GRID2: variants seen among roughly 807,000 people sequenced by gnomAD.
GRID2 encodes glutamate ionotropic receptor delta type subunit 2.
Under a neutral mutation model 114.8 loss-of-function variants are expected in GRID2, and 33 were observed. That is an observed-to-expected ratio of 0.29 (90% CI 0.22 to 0.38). The LOEUF (loss-of-function observed/expected upper bound fraction) is 0.38. GRID2 is among the 10% of genes least tolerant of loss of function. The pLI is 1.00. For missense variants in GRID2, 1,184 were observed against 1,257.7 expected (o/e 0.94, Z 0.89); for synonymous variants, 505 against 449.9 (o/e 1.12, Z -1.55).
Position 93,772,668 on chromosome 4 carries a change from T to C in GRID2, c.*170T>C, listed in dbSNP as rs1734205572. ...CTCCCTCTCCTCTCTCCTCTATGAT[T>C]TTCTCTCTTTCCCCCTCCCTTCCTG... On this transcript the variant is annotated 3_prime_UTR_variant, in exon 16 of 16. Coordinates refer to ENST00000282020, the MANE Select transcript of GRID2 (RefSeq NM_001510.4). The C allele has an allele frequency of 5.4e-6, 3 of 550,602 alleles. No homozygotes were observed. The highest frequency in any genetic ancestry group is 9.5e-6 in the Non-Finnish European group (3 of 316,758). 34.1% of individuals were successfully genotyped at this position (550,602 alleles called of 1,614,324 possible).
At chr4:92,824,675 A>G (rs1005968774) in intron 2 of GRID2, among the ~76,000 whole-genome samples, 7 of 152,120 alleles carry the variant, frequency 4.6e-5, no homozygotes, top group African/African-American at 1.7e-4. Context: ...TTTATGTGTA[A>G]CAAGTTTACT....
At chr4:93,588,011 T>A (rs1489499415) in intron 13 of GRID2, among the ~76,000 whole-genome samples, 1 of 152,156 alleles carries the variant, frequency 6.6e-6, no homozygotes, top group Non-Finnish European at 1.5e-5. Flanking sequence ...GCTGTTACTT[T>A]ATGGTTAGTC....
At chr4:92,717,161 A>G (rs113355903) in intron 2 of GRID2, among the ~76,000 whole-genome samples, 4 of 152,126 alleles carry the variant, frequency 2.6e-5, no homozygotes, top group East Asian at 3.9e-4. Flanking sequence ...ACAACAACCT[A>G]TCTCCATTCT....
At chr4:92,405,638 A>G (rs1477166652) in intron 1 of GRID2, among the ~76,000 whole-genome samples, 1 of 151,950 alleles carries the variant, frequency 6.6e-6, no homozygotes, top group Non-Finnish European at 1.5e-5. Context: ...ATAGCAATAC[A>G]TAAGGGAAAA....
At chr4:92,427,295 C>G (rs531938064) in intron 1 of GRID2, among the ~76,000 whole-genome samples, 1 of 151,992 alleles carries the variant, frequency 6.6e-6, no homozygotes, top group South Asian at 2.1e-4. Context: ...ATTATGTTCC[C>G]TAAAACGTAT....
chr4:93,180,198 A>G (rs1042359776), intron 4 of GRID2, among the ~76,000 whole-genome samples: 2 of 152,018 alleles, frequency 1.3e-5, no homozygotes, highest in Non-Finnish European at 2.9e-5. Flanking sequence ...CATATTTTGG[A>G]GACATCACAC....
chr4:93,220,680 A>G (rs999389621), intron 6 of GRID2, among the ~76,000 whole-genome samples: 5 of 152,140 alleles, frequency 3.3e-5, no homozygotes, highest in East Asian at 1.9e-4. Flanking sequence ...CCTGATATCC[A>G]CAACCTACCA....
Position 93,067,598 on chromosome 4 carries a change from G to A in GRID2, c.245-17397G>A, listed in dbSNP as rs182881283. ...GAGAGAGATTTTATTATACGAATTTGGGGGGAACACATACATTCAGACCAT... is the reference window on the plus strand; with the variant it reads ...GAGAGAGATTTTATTATACGAATTTAGGGGGAACACATACATTCAGACCAT... On this transcript the variant is annotated intron_variant, in intron 2 of 15. Coordinates refer to ENST00000282020, the MANE Select transcript of GRID2 (RefSeq NM_001510.4). Among the ~76,000 whole-genome samples the A allele has an allele frequency of 2.6e-5, 4 of 151,910 alleles. No homozygotes were observed. In the South Asian group the frequency reaches 6.2e-4, roughly 24 times the overall value.
intron 13 of GRID2, among the ~76,000 whole-genome samples, chr4:93,540,203 A>C (rs962667661): frequency 2.0e-5 from 3 of 151,788 alleles, no homozygotes; most frequent in African/African-American, 7.3e-5. Flanking sequence ...TGAATGTTGT[A>C]TTTTCTTTAG....
At chr4:92,371,263 G>C (rs1729103905) in intron 1 of GRID2, among the ~76,000 whole-genome samples, 1 of 151,894 alleles carries the variant, frequency 6.6e-6, no homozygotes, top group Non-Finnish European at 1.5e-5. Context: ...TATGAAGGAG[G>C]CTACACTAAA....
intron 8 of GRID2, among the ~76,000 whole-genome samples, chr4:93,279,004 G>A (rs1475715559): frequency 4.0e-5 from 6 of 151,256 alleles, no homozygotes; most frequent in African/African-American, 1.2e-4. Flanking sequence ...TTTAACAACC[G>A]CTTTTAAGTC....
At chr4:93,261,583 G>A (rs955965586) in intron 8 of GRID2, among the ~76,000 whole-genome samples, 5 of 151,746 alleles carry the variant, frequency 3.3e-5, no homozygotes, top group African/African-American at 4.8e-5. Context: ...CGTGGGCCTG[G>A]CATATTTAAG....
chr4:92,557,506 A>T (rs1001558364), intron 1 of GRID2, among the ~76,000 whole-genome samples: 18 of 151,176 alleles, frequency 1.2e-4, no homozygotes, highest in Admixed American at 9.9e-4. Context: ...TTCTTCTAAA[A>T]TGGAAATAAA....
chr4:92,494,439 CAG>C (rs1399843752), intron 1 of GRID2, among the ~76,000 whole-genome samples: 1 of 151,908 alleles, frequency 6.6e-6, no homozygotes, highest in Non-Finnish European at 1.5e-5. Context: ...TATATAGACA[CAG>C]AAACATTTAG....
At chr4:92,693,020 C>CAA (rs70942926) in intron 2 of GRID2, among the ~76,000 whole-genome samples, 6 of 129,116 alleles carry the variant, frequency 4.6e-5, no homozygotes, top group South Asian at 4.7e-4. Flanking sequence ...GAAACTGTCT[C>CAA]AAAAAAAAAA....
intron 1 of GRID2, among the ~76,000 whole-genome samples, chr4:92,331,999 G>A (rs1312368709): frequency 6.6e-6 from 1 of 152,194 alleles, no homozygotes; most frequent in South Asian, 2.1e-4. Context: ...GTCAGTGGTA[G>A]TTGGTAAGGG....
At chr4:92,809,973 T>A (rs958196568) in intron 2 of GRID2, among the ~76,000 whole-genome samples, 13 of 152,066 alleles carry the variant, frequency 8.5e-5, no homozygotes, top group Admixed American at 6.6e-4. Context: ...TTTTCATTTT[T>A]GAAAATATAG....
intron 2 of GRID2, among the ~76,000 whole-genome samples, chr4:92,996,299 A>C (rs1367068675): frequency 1.3e-5 from 2 of 151,448 alleles, no homozygotes; most frequent in Non-Finnish European, 3.0e-5. Flanking sequence ...CTTTCTAAAA[A>C]AAAAAATAAA....
At chr4:92,765,151 C>G (rs1738200321) in intron 2 of GRID2, among the ~76,000 whole-genome samples, 1 of 152,114 alleles carries the variant, frequency 6.6e-6, no homozygotes, top group Non-Finnish European at 1.5e-5. Context: ...CTCACACTTT[C>G]AATTTTATAC....
Sources: allele counts gnomAD v4.1 joint callset (sites outside exome capture counted in the v4.1 genomes callset), GRCh38; gene constraint gnomAD v4.1.1; transcripts MANE v1.5; gene names NCBI Gene and HGNC (gene_info 2026-07-23, HGNC 2026-07-21).